The following NDRG2 variants were observed in gnomAD, a reference collection of about 807,000 sequenced individuals.
NDRG2 encodes the protein NDRG family member 2.
A neutral mutation model predicts 58.2 loss-of-function variants in NDRG2; 34 were observed. That is an observed-to-expected ratio of 0.58 (90% CI 0.44 to 0.78). The LOEUF (loss-of-function observed/expected upper bound fraction) is 0.78. Among genes scored for constraint, NDRG2 ranks in the 30% least tolerant of loss-of-function variants. The pLI, the probability that NDRG2 is intolerant of heterozygous loss-of-function variation, is 0.00. For missense variants in NDRG2, 434 were observed against 471.2 expected (o/e 0.92, Z 0.73); for synonymous variants, 187 against 175.9 (o/e 1.06, Z -0.50).
At chr14:21,041,507 C>T (rs1020320328) in intron 1 of NDRG2, among the ~76,000 whole-genome samples, 2 of 152,104 alleles carry the variant, frequency 1.3e-5, no homozygotes, top group Admixed American at 1.3e-4. Context: ...CTTGGTGTCT[C>T]GGTTCTCCTG....
In NDRG2 at chr14:21,070,359, C is replaced by A. The variant is rs1465852940; in HGVS notation, c.24+469G>T. 2.8e-6 allele frequency: 4 copies of A among 1,409,460 alleles called. No individual in the cohort carries two copies. The highest frequency in any genetic ancestry group is 1.5e-5 in the South Asian group (1 of 66,408). 87.3% of individuals were successfully genotyped at this position (1,409,460 alleles called of 1,614,324 possible). On this transcript the variant is annotated intron_variant, in intron 1 of 14. Transcript: ENST00000403829. This position sits in a 1 kb window ranked among gnomAD's most constrained non-coding sequence, Gnocchi z 4.7. ...AGGCGGTGGCGCGCCCGGCCCCGCC[C>A]GCCCGACCAAGCGTCGGACGCGGCC...
At position 21,020,481 on chromosome 14, in the gene NDRG2, C is replaced by T. The variant is rs371107425; in HGVS notation, c.555+15G>A. ...ATCCCCAACCGTAGGTCTCAGCACA[C>T]AGGCCCCTCCAAACCTTGTGGGCTG... On this transcript the variant is annotated intron_variant, in intron 8 of 15. Transcript: ENST00000556147. 1 of 1,611,050 alleles carries T rather than the reference C, an allele frequency of 6.2e-7. No individual in the cohort carries two copies. The highest frequency in any genetic ancestry group is 1.3e-5 in the African/African-American group (1 of 74,944).
At chr14:21,030,248 G>A (rs1438190653), upstream of NDRG2, 3 of 251,424 alleles carry the variant, frequency 1.2e-5, no homozygotes, top group Admixed American at 1.5e-4. Context: ...CCACATATCT[G>A]CACACACTTA....
chr14:21,021,295 GGTGAA>G (rs553567641), intron 6 of NDRG2: 41 of 362,650 alleles, frequency 1.1e-4, no homozygotes, highest in Non-Finnish European at 2.1e-4. Context: ...GTGGCAAAGT[GGTGAA>G]CCAGAGCTGC....
chr14:21,028,762 A>T (rs772832806), upstream of NDRG2, among the ~76,000 whole-genome samples: 2 of 152,288 alleles, frequency 1.3e-5, no homozygotes. Flanking sequence ...TAGAAAAGAG[A>T]TCATTTAGAA....
intron 1 of NDRG2, chr14:21,034,408 A>G: frequency 4.1e-6 from 3 of 733,046 alleles, no homozygotes; most frequent in Non-Finnish European, 6.7e-6. Context: ...CATCTCACCC[A>G]TAACCAAGTT....
At chr14:21,018,872 C>T (rs1221052702) in intron 11 of NDRG2, 58 bp from the exon 12 acceptor site, 27 of 1,606,996 alleles carry the variant, frequency 1.7e-5, no homozygotes, top group Non-Finnish European at 2.0e-5. Flanking sequence ...TCACTGGCCT[C>T]TGCCTAGGAG....
At chr14:21,043,299 G>C (rs1263872) in intron 1 of NDRG2, 1,412,388 of 1,614,130 alleles carry the variant, frequency 0.88, 619,720 homozygotes, top group Admixed American at 0.92. Context: ...GAGCCACGGG[G>C]CCGTGTCCCT....
chr14:21,030,894 C>T (rs1884054719), intron 1 of NDRG2: 8 of 1,510,480 alleles, frequency 5.3e-6, no homozygotes, highest in Admixed American at 1.9e-5. Flanking sequence ...CCTTTGTCTT[C>T]GAGACACTCA....
chr14:21,043,553 C>T, intron 1 of NDRG2: 1 of 901,226 alleles, frequency 1.1e-6, no homozygotes, highest in Non-Finnish European at 1.7e-6. Context: ...TTCTCTTCCC[C>T]TCATCTCTTG....
intron 1 of NDRG2, among the ~76,000 whole-genome samples, chr14:21,056,537 G>A (rs1885683212): frequency 6.6e-6 from 1 of 152,124 alleles, no homozygotes; most frequent in Admixed American, 6.5e-5. Flanking sequence ...AACAAACACG[G>A]GAAAGTGTAA....
intron 1 of NDRG2, chr14:21,031,344 C>A: frequency 1.4e-6 from 1 of 728,350 alleles, no homozygotes. Flanking sequence ...GTGACTTGCC[C>A]AAGGTCCATG....
Position 21,024,260 on chromosome 14 carries a change from C to G in NDRG2, c.-237G>C. ...CCCCTAAGTCCAGAGAACACGTCCT[C>G]TCTAGGCTCGAGCCGGAATCAATAT... On this transcript the variant is annotated 5_prime_UTR_variant, in exon 1 of 16. Coordinates refer to ENST00000556147, the MANE Select transcript of NDRG2 (RefSeq NM_001320329.2). 2.0e-6 allele frequency: 2 copies of G among 985,486 alleles called. No homozygotes were observed. The highest frequency in any genetic ancestry group is 9.4e-5 in the South Asian group (2 of 21,282). 61.0% of individuals were successfully genotyped at this position (985,486 alleles called of 1,614,324 possible). A position where few individuals can be genotyped will look rare whatever the true frequency, so the allele number is the denominator to read the frequency against.
chr14:21,054,423 T>C (rs1437363426), intron 1 of NDRG2, among the ~76,000 whole-genome samples: 1 of 152,110 alleles, frequency 6.6e-6, no homozygotes, highest in Non-Finnish European at 1.5e-5. Context: ...TCTTCTTCTC[T>C]TGTGATCTGG....
intron 1 of NDRG2, chr14:21,033,980 G>A (rs929121700): frequency 1.2e-6 from 2 of 1,613,880 alleles, no homozygotes; most frequent in Non-Finnish European, 1.7e-6. Flanking sequence ...GGGAATCCTG[G>A]GTGAGTGTGC....
At chr14:21,062,868 C>A (rs1232154251) in intron 1 of NDRG2, among the ~76,000 whole-genome samples, 1 of 150,430 alleles carries the variant, frequency 6.6e-6, no homozygotes, top group Admixed American at 6.6e-5. Context: ...AATTCCAACA[C>A]TTTGGGAGGC....
Position 21,017,502 on chromosome 14 carries a change from CT to C in NDRG2, c.*93del. Reference sequence around the variant, plus strand: ...TCCCCGCATGATCTGCCCTTTTTCCCTTGCTTACGGTGGCCCAATGCCCCTT... The same window carrying C: ...TCCCCGCATGATCTGCCCTTTTTCCCTGCTTACGGTGGCCCAATGCCCCTT... On this transcript the variant is annotated 3_prime_UTR_variant, in exon 16 of 16. Coordinates refer to ENST00000556147, the MANE Select transcript of NDRG2 (RefSeq NM_001320329.2). 7.2e-7 allele frequency: 1 copy of C among 1,394,482 alleles called. No individual in the cohort carries two copies. The highest frequency in any genetic ancestry group is 9.7e-7 in the Non-Finnish European group (1 of 1,035,058). The allele number at this position is 1,394,482 out of a possible 1,614,324, so 86.4% of individuals were successfully genotyped here.
intron 1 of NDRG2, among the ~76,000 whole-genome samples, chr14:21,067,135 T>G (rs1171873873): frequency 6.6e-6 from 1 of 152,168 alleles, no homozygotes; most frequent in Non-Finnish European, 1.5e-5. Context: ...TTGGTGCACA[T>G]AAACCAGGCA....
At position 21,032,573 on chromosome 14, in the gene NDRG2, G is replaced by C. The variant is rs543945845; in HGVS notation, c.25-9252C>G. On this transcript the variant is annotated intron_variant, in intron 1 of 14. Coordinates refer to the NDRG2 transcript ENST00000403829. ...GGTGGAGGAGTAGAAGCCAGCTAAG[G>C]TTGCCTGACTTCTATTACAAATTTG... 24 of 346,148 alleles carry C rather than the reference G, an allele frequency of 6.9e-5. No homozygotes were observed. In the Middle Eastern group the frequency reaches 2.3e-3, roughly 34 times the overall value. The allele number at this position is 346,148 out of a possible 1,614,324, so 21.4% of individuals were successfully genotyped here. A position where few individuals can be genotyped will look rare whatever the true frequency, so the allele number is the denominator to read the frequency against.
Sources: allele counts gnomAD v4.1 joint callset (sites outside exome capture counted in the v4.1 genomes callset), GRCh38; gene constraint gnomAD v4.1.1; non-coding constraint Gnocchi (gnomAD v3.1); transcripts MANE v1.5; gene names NCBI Gene and HGNC (gene_info 2026-07-23, HGNC 2026-07-21).